Variants in MAGI1 observed in about 807,000 individuals in gnomAD.
The protein encoded by MAGI1 is membrane-associated guanylate kinase, WW and PDZ domain-containing protein 1.
A neutral mutation model predicts 139.9 loss-of-function variants in MAGI1; 58 were observed. That is an observed-to-expected ratio of 0.41 (90% confidence interval 0.34 to 0.52). MAGI1 has a LOEUF of 0.52. Among genes scored for constraint, MAGI1 ranks in the 20% least tolerant of loss-of-function variants. MAGI1 has a pLI of 0.12. For synonymous variants in MAGI1, 812 were observed against 737.9 expected, an observed-to-expected ratio of 1.10 and a Z score of -1.63; for missense variants, 1,874 against 1,901.6, an observed-to-expected ratio of 0.99 and a Z score of 0.27.
Position 65,381,326 on chromosome 3 carries a change from T to C in MAGI1, c.2701+551A>G, listed in dbSNP as rs557847431. ...TTTGAGCTGAGCCTGAAAGGATATGTAGTATTTTGAGAATTAAAGTTCAAA... is the reference window on the plus strand; with the variant it reads ...TTTGAGCTGAGCCTGAAAGGATATGCAGTATTTTGAGAATTAAAGTTCAAA... On this transcript the variant is annotated intron_variant, in intron 16 of 22. Coordinates refer to ENST00000402939, the MANE Select transcript of MAGI1 (RefSeq NM_001033057.2). Among the ~76,000 whole-genome samples, 5 of 152,190 alleles carry C rather than the reference T, an allele frequency of 3.3e-5. No homozygotes were observed. The South Asian group carries it at 1.0e-3, about 32-fold the overall frequency.
At chr3:65,488,329 C>CT (rs1227483573) in intron 3 of MAGI1, among the ~76,000 whole-genome samples, 1 of 151,984 alleles carries the variant, frequency 6.6e-6, no homozygotes, top group African/African-American at 2.4e-5. Flanking sequence ...ACACTCATAA[C>CT]TTTTTTTCTT....
chr3:65,820,935 G>A (rs1445562518), intron 1 of MAGI1, among the ~76,000 whole-genome samples: 1 of 152,074 alleles, frequency 6.6e-6, no homozygotes, highest in Non-Finnish European at 1.5e-5. Flanking sequence ...TTCTGACTGG[G>A]TCACATGCTT....
chr3:65,385,785 C>T (rs1174733944), intron 14 of MAGI1, among the ~76,000 whole-genome samples: 1 of 152,182 alleles, frequency 6.6e-6, no homozygotes, highest in Non-Finnish European at 1.5e-5. Flanking sequence ...CTGCACAGGA[C>T]TCCCATAAAC....
At chr3:65,531,768 T>C (rs2222586) in intron 2 of MAGI1, among the ~76,000 whole-genome samples, 54,754 of 151,954 alleles carry the variant, frequency 0.36, 10,888 homozygotes, top group East Asian at 0.69. Context: ...GCCAGTTCCC[T>C]GACTTTCCAA....
At chr3:66,027,157 A>G (rs916610540) in intron 1 of MAGI1, among the ~76,000 whole-genome samples, 9 of 151,704 alleles carry the variant, frequency 5.9e-5, no homozygotes, top group Admixed American at 4.6e-4. Flanking sequence ...AGTCTCAGCT[A>G]CTCGAGAGGC....
intron 2 of MAGI1, among the ~76,000 whole-genome samples, chr3:65,548,990 C>T (rs2079665774): frequency 6.6e-6 from 1 of 152,196 alleles, no homozygotes; most frequent in Non-Finnish European, 1.5e-5. Context: ...AACTGTACTT[C>T]AAGGGACCCT....
At chr3:65,920,756 C>T (rs1243741862) in intron 1 of MAGI1, among the ~76,000 whole-genome samples, 2 of 152,150 alleles carry the variant, frequency 1.3e-5, no homozygotes, top group African/African-American at 4.8e-5. Context: ...AATGGCAGGG[C>T]GCAGTGGCTC....
intron 1 of MAGI1, among the ~76,000 whole-genome samples, chr3:66,019,065 G>T (rs1160861389): frequency 1.3e-5 from 2 of 152,162 alleles, no homozygotes; most frequent in Non-Finnish European, 2.9e-5. Flanking sequence ...GTACTGCCTG[G>T]CCATAAGGAG....
intron 1 of MAGI1, among the ~76,000 whole-genome samples, chr3:66,021,151 T>C (rs145157620): frequency 1.3e-5 from 2 of 152,306 alleles, no homozygotes; most frequent in Non-Finnish European, 2.9e-5. Flanking sequence ...CACAAGCAGA[T>C]AGATTTAAAC....
chr3:65,477,717 T>TATTATTATTA lies in MAGI1; in HGVS notation c.757+874_757+875insTAATAATAAT, dbSNP rs370763213. 2.5e-3 allele frequency among the ~76,000 whole-genome samples: 314 copies of TATTATTATTA among 124,444 alleles called. 2 individuals carry two copies. The highest frequency in any genetic ancestry group is 6.6e-3 in the South Asian group (27 of 4,092). The allele number at this position is 124,444 out of a possible 152,430, so 81.6% of individuals were successfully genotyped here. ...CATTATTATTATTATTATTATTTTT[T>TATTATTATTA]TTTTTTTATTTATATTTTTTGAGAC... On this transcript the variant is annotated intron_variant, in intron 4 of 22. Coordinates refer to ENST00000402939, the MANE Select transcript of MAGI1 (RefSeq NM_001033057.2).
chr3:65,726,059 G>A (rs540256416), intron 1 of MAGI1, among the ~76,000 whole-genome samples: 1 of 152,286 alleles, frequency 6.6e-6, no homozygotes, highest in East Asian at 1.9e-4. Context: ...TCTTGGCAGA[G>A]TATAGTAAAG....
rs891194205 is a variant in MAGI1, at chr3:65,919,687, C to G, written c.313+118309G>C. On this transcript the variant is annotated intron_variant, in intron 1 of 22. Transcript: ENST00000402939. ...TCTCTCATTCTCTCTCCTTCTCTCT[C>G]TCTCTCTCTCTCTCTCTCTCTCACA... Among the ~76,000 whole-genome samples, 421 of 143,880 alleles carry G rather than the reference C, an allele frequency of 2.9e-3. 2 individuals are homozygous for G. The highest frequency in any genetic ancestry group is 0.011 in the African/African-American group (389 of 36,626). 94.4% of individuals were successfully genotyped at this position (143,880 alleles called of 152,430 possible). A position where few individuals can be genotyped will look rare whatever the true frequency, so the allele number is the denominator to read the frequency against.
intron 1 of MAGI1, among the ~76,000 whole-genome samples, chr3:65,734,358 A>G (rs2034489722): frequency 2.6e-5 from 4 of 151,548 alleles, no homozygotes; most frequent in Admixed American, 2.0e-4. Flanking sequence ...TACTTTGGAG[A>G]CTGAGGCAGG....
chr3:65,832,520 A>G (rs2042583639), intron 1 of MAGI1, among the ~76,000 whole-genome samples: 1 of 151,978 alleles, frequency 6.6e-6, no homozygotes, highest in Admixed American at 6.6e-5. Flanking sequence ...CTTGGCAAGT[A>G]ACTTCTGTTC....
chr3:65,699,276 G>A (rs1432573053), intron 1 of MAGI1, among the ~76,000 whole-genome samples: 1 of 125,036 alleles, frequency 8.0e-6, no homozygotes, highest in Non-Finnish European at 1.7e-5. Flanking sequence ...TACACTGTTG[G>A]TGGGACTGTA....
intron 2 of MAGI1, among the ~76,000 whole-genome samples, chr3:65,496,645 T>C (rs1952478436): frequency 6.6e-6 from 1 of 152,076 alleles, no homozygotes; most frequent in Non-Finnish European, 1.5e-5. Flanking sequence ...ATGCTCTCCA[T>C]GCCACCCACC....
At chr3:65,716,815 C>A (rs2032310164) in intron 1 of MAGI1, among the ~76,000 whole-genome samples, 1 of 152,160 alleles carries the variant, frequency 6.6e-6, no homozygotes, top group Non-Finnish European at 1.5e-5. Flanking sequence ...CTATGAACTG[C>A]AGCATGATTT....
intron 1 of MAGI1, among the ~76,000 whole-genome samples, chr3:65,680,957 T>C (rs1168106171): frequency 6.6e-6 from 1 of 152,170 alleles, no homozygotes; most frequent in African/African-American, 2.4e-5. Context: ...GTTGGGAAGA[T>C]GAAGAATTGA....
chr3:65,757,127 C>CT (rs547275905), intron 1 of MAGI1, among the ~76,000 whole-genome samples: 105 of 152,224 alleles, frequency 6.9e-4, no homozygotes, highest in African/African-American at 2.4e-3. Flanking sequence ...CCATTTGCTA[C>CT]TTTTTAACAG....
Sources: allele counts gnomAD v4.1 joint callset (sites outside exome capture counted in the v4.1 genomes callset), GRCh38; gene constraint gnomAD v4.1.1; transcripts MANE v1.5; gene names NCBI Gene and HGNC (gene_info 2026-07-23, HGNC 2026-07-21).